Variants in TSNAX observed in about 807,000 individuals in gnomAD.
TSNAX encodes the protein translin associated factor X.
In TSNAX, 12 loss-of-function variants were observed where a neutral mutation model predicts 33.0. That is an observed-to-expected ratio of 0.36 (90% CI 0.23 to 0.59). The LOEUF (loss-of-function observed/expected upper bound fraction) is 0.59, where lower values mean the gene tolerates loss of function less well. Among genes scored for constraint, TSNAX ranks in the 20% least tolerant of loss-of-function variants. The probability of loss-of-function intolerance (pLI) is 0.74; values close to 1 mark genes in which losing one functional copy is unlikely to be tolerated. For synonymous variants in TSNAX, 110 were observed against 117.2 expected (o/e 0.94, Z 0.40); for missense variants, 267 against 341.3 (o/e 0.78, Z 1.72).
intron 2 of TSNAX, 139 bp from the exon 3 acceptor site, chr1:231,537,074 A>G (rs1572105688): frequency 1.7e-5 from 9 of 540,198 alleles, no homozygotes; most frequent in South Asian, 4.8e-5. Flanking sequence ...CTCATGATCC[A>G]CCTACCGTGG....
chr1:231,530,548 C>T (rs528403334), intron 2 of TSNAX, among the ~76,000 whole-genome samples: 4 of 152,052 alleles, frequency 2.6e-5, no homozygotes, highest in African/African-American at 9.6e-5. Context: ...ACGGTGAAAC[C>T]CCGTCTCTAC....
chr1:231,551,954 T>A (rs968548774), intron 4 of TSNAX, among the ~76,000 whole-genome samples: 2 of 152,136 alleles, frequency 1.3e-5, no homozygotes, highest in Admixed American at 6.6e-5. Flanking sequence ...ATTGTGCCAC[T>A]GCACTCCAGC....
chr1:231,542,255 C>G (rs1000630559), intron 3 of TSNAX, among the ~76,000 whole-genome samples: 1 of 152,094 alleles, frequency 6.6e-6, no homozygotes, highest in Non-Finnish European at 1.5e-5. Context: ...TTTTTATGAA[C>G]AAAATTTTTC....
rs193152797 is a variant in TSNAX, at chr1:231,538,609, C to T, written c.236+1282C>T. On this transcript the variant is annotated intron_variant, in intron 3 of 5. Coordinates refer to ENST00000366639, the MANE Select transcript of TSNAX (RefSeq NM_005999.3). ...GATTGTTGTTACAAATTCCAGATGT[C>T]TCCAGAAGGGTAGCTGTGATTGGTT... Among the ~76,000 whole-genome samples, 7 of 152,302 alleles carry T rather than the reference C, an allele frequency of 4.6e-5. No individual in the cohort carries two copies. The East Asian group carries it at 1.3e-3, about 29-fold the overall frequency.
In TSNAX at chr1:231,528,718, C is replaced by A. The variant is rs1260803974; in HGVS notation, c.-93C>A. 1.3e-6 allele frequency: 2 copies of A among 1,494,478 alleles called. No individual in the cohort carries two copies. Among genetic ancestry groups the A allele is most frequent in the Admixed American group, 1.7e-5 (1 of 58,006 alleles). 92.6% of individuals were successfully genotyped at this position (1,494,478 alleles called of 1,614,324 possible). ...CGGCTGCAAAGCGTTTTTCTGCAGG[C>A]TGTTTTCCCAGGTTCCCTCGGCCTG... On this transcript the variant is annotated 5_prime_UTR_variant, in exon 1 of 6. In the 5' UTR this introduces an upstream ATG that the reference lacks. Coordinates refer to ENST00000366639, the MANE Select transcript of TSNAX (RefSeq NM_005999.3).
rs186346559 is a variant in TSNAX at position 231,558,406 on chromosome 1, T to C, written c.368-2722T>C. 3.9e-5 allele frequency among the ~76,000 whole-genome samples: 6 copies of C among 152,300 alleles called. No homozygotes were observed. The East Asian group carries it at 1.2e-3, about 29-fold the overall frequency. ...CCCTGTACTGACAAAGCTTAATATATTGCCAGCTGGCATAGGAGACATGCT... is the reference window on the plus strand; with the variant it reads ...CCCTGTACTGACAAAGCTTAATATACTGCCAGCTGGCATAGGAGACATGCT... On this transcript the variant is annotated intron_variant, in intron 4 of 5. Coordinates refer to ENST00000366639, the MANE Select transcript of TSNAX (RefSeq NM_005999.3).
intron 4 of TSNAX, among the ~76,000 whole-genome samples, chr1:231,553,627 C>T (rs2124929282): frequency 6.6e-6 from 1 of 151,812 alleles, no homozygotes; most frequent in Non-Finnish European, 1.5e-5. Context: ...TGTTTTGGGC[C>T]AGATGTCCTT....
intron 4 of TSNAX, among the ~76,000 whole-genome samples, chr1:231,559,038 C>G (rs1660868720): frequency 6.6e-6 from 1 of 152,170 alleles, no homozygotes; most frequent in African/African-American, 2.4e-5. Flanking sequence ...AGCTGTTAGC[C>G]TCCCCAACAC....
intron 4 of TSNAX, among the ~76,000 whole-genome samples, chr1:231,550,746 C>G (rs1008993954): frequency 2.6e-5 from 4 of 152,144 alleles, no homozygotes; most frequent in African/African-American, 9.7e-5. Context: ...GAGAGAGGAA[C>G]AGAGACTAAA....
chr1:231,535,995 A>G (rs1659144020), intron 2 of TSNAX: 2 of 152,218 alleles, frequency 1.3e-5, no homozygotes, highest in South Asian at 4.1e-4. Flanking sequence ...TCAGCCTTTC[A>G]TCGATCTCAG....
At chr1:231,562,024 C>A (rs115861461) in intron 5 of TSNAX, among the ~76,000 whole-genome samples, 3 of 151,884 alleles carry the variant, frequency 2.0e-5, no homozygotes, top group African/African-American at 7.3e-5. Flanking sequence ...GACTTTTAAA[C>A]AAATACTATT....
intron 2 of TSNAX, chr1:231,534,411 G>A (rs1659014952): frequency 6.6e-6 from 1 of 152,204 alleles, no homozygotes; most frequent in Admixed American, 6.5e-5. Context: ...CTATTTTGTA[G>A]TTCCGGTACA....
At chr1:231,547,326 A>G (rs1363174878) in intron 4 of TSNAX, among the ~76,000 whole-genome samples, 1 of 150,380 alleles carries the variant, frequency 6.6e-6, no homozygotes, top group Non-Finnish European at 1.5e-5. Flanking sequence ...TCCATCTCTG[A>G]TAGCTAGTAT....
chr1:231,552,518 T>G (rs2124927289), intron 4 of TSNAX, among the ~76,000 whole-genome samples: 1 of 150,860 alleles, frequency 6.6e-6, no homozygotes, highest in East Asian at 2.0e-4. Flanking sequence ...AGTGATTGAT[T>G]TGGTGACGCT....
At chr1:231,558,931 ATTTAGT>A in intron 4 of TSNAX, among the ~76,000 whole-genome samples, 1 of 152,150 alleles carries the variant, frequency 6.6e-6, no homozygotes, top group South Asian at 2.1e-4. Context: ...GGATATTTTC[ATTTAGT>A]TAAGTTTCCT....
intron 3 of TSNAX, 127 bp from the exon 4 acceptor site, chr1:231,542,354 G>A (rs1362192391): frequency 1.2e-6 from 1 of 856,154 alleles, no homozygotes; most frequent in African/African-American, 1.7e-5. Flanking sequence ...GAATAGTTTT[G>A]AGTAGTTTTG....
rs933740739 is a variant in TSNAX at position 231,566,129 on chromosome 1, T to G, written c.*1224T>G. 1 of 152,618 alleles carries G rather than the reference T, an allele frequency of 6.6e-6. No individual in the cohort carries two copies. Among genetic ancestry groups the G allele is most frequent in the Non-Finnish European group, 1.5e-5 (1 of 68,032 alleles). The allele number at this position is 152,618 out of a possible 1,614,324, so 9.5% of individuals were successfully genotyped here. On this transcript the variant is annotated 3_prime_UTR_variant, in exon 6 of 6. Coordinates refer to ENST00000366639, the MANE Select transcript of TSNAX (RefSeq NM_005999.3). ...AAATTTAAATAATTTAAGTCTAGCA[T>G]TTACTTTTAAATAATTATAATGAAG...
chr1:231,537,912 G>T (rs1369713339), intron 3 of TSNAX, among the ~76,000 whole-genome samples: 2 of 152,000 alleles, frequency 1.3e-5, no homozygotes, highest in Non-Finnish European at 2.9e-5. Context: ...AACTTTATTT[G>T]GATGATATGC....
chr1:231,531,453 T>C (rs1658712278), intron 2 of TSNAX, among the ~76,000 whole-genome samples: 2 of 152,228 alleles, frequency 1.3e-5, no homozygotes, highest in South Asian at 4.1e-4. Flanking sequence ...TGTTATAGCA[T>C]GATTACATTT....
Sources: gnomAD v4.1 joint callset for allele counts (sites outside exome capture counted in the v4.1 genomes callset) on GRCh38, gnomAD v4.1.1 for gene constraint, MANE v1.5 for transcripts, NCBI Gene and HGNC (gene_info 2026-07-23, HGNC 2026-07-21) for gene names.